Variants in TBC1D2B observed in about 807,000 individuals in gnomAD.
The protein encoded by TBC1D2B is TBC1 domain family, member 2B.
TBC1D2B carries 64 observed loss-of-function variants against 100.8 expected under a neutral mutation model. That is an observed-to-expected ratio of 0.64 (90% CI 0.52 to 0.78). TBC1D2B has a LOEUF of 0.78. Ranked by LOEUF, TBC1D2B falls within the 30% of genes least tolerant of loss-of-function variation. The probability of loss-of-function intolerance (pLI) is 0.00; values close to 1 mark genes in which losing one functional copy is unlikely to be tolerated. For missense variants in TBC1D2B, 1,052 were observed against 1,218.4 expected (o/e 0.86, Z 2.03); for synonymous variants, 480 against 479.7 (o/e 1.00, Z -0.01).
At chr15:78,017,997 G>A (rs557431576) in intron 6 of TBC1D2B, 40 bp from the exon 7 acceptor site, 3 of 1,124,646 alleles carry the variant, frequency 2.7e-6, no homozygotes, top group South Asian at 2.8e-5. Flanking sequence ...CACATTGGTT[G>A]AATATTGACT....
intron 2 of TBC1D2B, among the ~76,000 whole-genome samples, chr15:78,046,584 A>C (rs971172556): frequency 2.7e-4 from 41 of 151,852 alleles, no homozygotes; most frequent in Admixed American, 2.4e-3. Context: ...CTCTTGCTTC[A>C]GCCTACCAAG....
intron 4 of TBC1D2B, 75 bp from the exon 5 acceptor site, chr15:78,025,572 G>A: frequency 1.7e-6 from 2 of 1,178,442 alleles, no homozygotes; most frequent in Non-Finnish European, 2.3e-6. Flanking sequence ...TGTCGCCCAG[G>A]CTGGAGTGCA....
chr15:78,030,308 C>CTTT, intron 3 of TBC1D2B, 138 bp from the exon 4 acceptor site: 3 of 583,890 alleles, frequency 5.1e-6, no homozygotes, highest in Non-Finnish European at 5.3e-6. Context: ...TGGGGATTCC[C>CTTT]TTTTTTTTTT....
At chr15:78,016,086 C>T (rs1388961754) in intron 8 of TBC1D2B, among the ~76,000 whole-genome samples, 1 of 152,132 alleles carries the variant, frequency 6.6e-6, no homozygotes, top group Non-Finnish European at 1.5e-5. Context: ...TTTTAGAAGA[C>T]AGGTTATGAG....
chr15:78,052,219 G>C (rs2073328470), intron 2 of TBC1D2B, among the ~76,000 whole-genome samples: 1 of 152,106 alleles, frequency 6.6e-6, no homozygotes, highest in African/African-American at 2.4e-5. Flanking sequence ...TCTCTACCTA[G>C]CTAGTTCCTG....
intron 8 of TBC1D2B, among the ~76,000 whole-genome samples, chr15:78,013,696 A>C (rs1212545168): frequency 6.6e-6 from 1 of 152,000 alleles, no homozygotes; most frequent in African/African-American, 2.4e-5. Flanking sequence ...ACATATGTAT[A>C]ACTTTATGCT....
chr15:78,003,285 G>A lies in TBC1D2B; in HGVS notation c.2574+20C>T, dbSNP rs771654324. On this transcript the variant is annotated intron_variant, in intron 11 of 12. Coordinates refer to ENST00000300584, the MANE Select transcript of TBC1D2B (RefSeq NM_144572.2). Reference sequence around the variant, plus strand: ...TGTCAAGTGTGTATATCTGAAAATAGCTGAGCTGAGCTAACTCACCTTTGG... The same window carrying A: ...TGTCAAGTGTGTATATCTGAAAATAACTGAGCTGAGCTAACTCACCTTTGG... 2.5e-6 allele frequency: 4 copies of A among 1,608,264 alleles called. No individual in the cohort carries two copies. In the South Asian group the frequency reaches 4.4e-5, roughly 18 times the overall value.
At chr15:78,010,192 G>A (rs897667881) in intron 9 of TBC1D2B, among the ~76,000 whole-genome samples, 10 of 152,136 alleles carry the variant, frequency 6.6e-5, no homozygotes, top group East Asian at 1.9e-4. Flanking sequence ...AGCTAACAGC[G>A]CTGTGCCCAC....
In TBC1D2B at chr15:78,013,266, C is replaced by A; in HGVS notation, c.1827G>T (p.Glu609Asp). The part of the protein sequence containing the change: ...FRTVPEDDEE[E>D]KLVAKVRALD... The stretch of plus-strand genomic sequence containing the variant: ...ACGCGCGGACCTTGGCAACCAATTT[C>A]TCTTCCTCATCATCCTCAGGTACAG... The change falls in exon 9 of 13, where the codon GAG becomes GAT. Residue 609 changes from glutamate (E) to aspartate (D), a missense_variant. By Grantham distance (45) the Glu-to-Asp change is conservative. This residue lies in a region of TBC1D2B where 373 missense variants were observed against 464.9 expected (regional missense o/e 0.80). Transcript: ENST00000300584. 6.2e-7 allele frequency: 1 copy of A among 1,614,006 alleles called. No homozygotes were observed. Among genetic ancestry groups the A allele is most frequent in the Non-Finnish European group, 8.5e-7 (1 of 1,179,886 alleles).
chr15:78,016,904 C>T, intron 7 of TBC1D2B, 165 bp from the exon 8 acceptor site: 1 of 592,070 alleles, frequency 1.7e-6, no homozygotes, highest in Non-Finnish European at 2.8e-6. Flanking sequence ...GACCACCTTT[C>T]ATGTTTAAAA....
At chr15:78,068,405 A>ACC (rs1418218239) in intron 1 of TBC1D2B, among the ~76,000 whole-genome samples, 3 of 151,732 alleles carry the variant, frequency 2.0e-5, no homozygotes, top group Non-Finnish European at 4.4e-5. Context: ...ACACACACAC[A>ACC]CACACACACA....
At chr15:78,046,344 T>G (rs935627715) in intron 2 of TBC1D2B, among the ~76,000 whole-genome samples, 4 of 152,236 alleles carry the variant, frequency 2.6e-5, no homozygotes, top group Admixed American at 2.0e-4. Flanking sequence ...TCTCTGAGAA[T>G]AGGACATGCT....
At chr15:77,999,048 G>T (rs941088978) in intron 12 of TBC1D2B, 3 of 249,794 alleles carry the variant, frequency 1.2e-5, no homozygotes, top group Non-Finnish European at 2.5e-5. Context: ...CTGAGGCCTG[G>T]CTATGGATTT....
chr15:78,032,279 G>A (rs569708711), intron 3 of TBC1D2B, among the ~76,000 whole-genome samples: 8 of 152,226 alleles, frequency 5.3e-5, no homozygotes, highest in African/African-American at 1.9e-4. Flanking sequence ...ACTGAGAAAG[G>A]CTACTGATGG....
At chr15:78,006,293 T>C (rs1003464873) in intron 10 of TBC1D2B, among the ~76,000 whole-genome samples, 4 of 152,268 alleles carry the variant, frequency 2.6e-5, no homozygotes, top group African/African-American at 7.2e-5. Flanking sequence ...CAGGTGCCCA[T>C]GAACACACAA....
At chr15:78,073,112 TC>T (rs2073766359) in intron 1 of TBC1D2B, among the ~76,000 whole-genome samples, 1 of 152,204 alleles carries the variant, frequency 6.6e-6, no homozygotes, top group Non-Finnish European at 1.5e-5. Context: ...CATTCACTAT[TC>T]CTGGAGCCTC....
Position 78,054,015 on chromosome 15 carries a change from C to G in TBC1D2B, c.514+19G>C. Reference sequence around the variant, plus strand: ...CTTACACAAAGAACTGACCCAGCTCCCCTTTATTTCTGCCTTACCAGTGTT... The same window carrying G: ...CTTACACAAAGAACTGACCCAGCTCGCCTTTATTTCTGCCTTACCAGTGTT... On this transcript the variant is annotated intron_variant, in intron 2 of 12. Transcript: ENST00000300584. 6.2e-7 allele frequency: 1 copy of G among 1,604,504 alleles called. No individual in the cohort carries two copies. The highest frequency in any genetic ancestry group is 8.5e-7 in the Non-Finnish European group (1 of 1,176,468).
Position 78,024,415 on chromosome 15 carries a change from T to C in TBC1D2B, c.1211A>G (p.Gln404Arg). The C allele has an allele frequency of 6.2e-7, 1 of 1,614,078 alleles. No individual in the cohort carries two copies. The highest frequency in any genetic ancestry group is 8.5e-7 in the Non-Finnish European group (1 of 1,179,906). ...CAGCTGGCTGGTAAGGCCCAGAATC[T>C]GATCATCCTTTTGGTGCAGAAGCTC... ...TLELLHQKDD[Q>R]ILGLTSQLER... is the part of the protein sequence containing the mutation. The change falls in exon 6 of 13, where the codon CAG becomes CGG. Residue 404 changes from glutamine (Q) to arginine (R), a missense_variant. Coordinates refer to ENST00000300584, the MANE Select transcript of TBC1D2B (RefSeq NM_144572.2).
chr15:78,069,921 A>T lies in TBC1D2B; in HGVS notation c.360+7372T>A, dbSNP rs138259002. On this transcript the variant is annotated intron_variant, in intron 1 of 12. Coordinates refer to ENST00000300584, the MANE Select transcript of TBC1D2B (RefSeq NM_144572.2). Reference sequence around the variant, plus strand: ...TTCCCAGCCTCCAGAACTATGAGAAATAAATTTCTGTTGTTTATAAGCTAC... The same window carrying T: ...TTCCCAGCCTCCAGAACTATGAGAATTAAATTTCTGTTGTTTATAAGCTAC... 6.4e-3 allele frequency among the ~76,000 whole-genome samples: 973 copies of T among 152,304 alleles called. 18 individuals carry two copies. Among genetic ancestry groups the T allele is most frequent in the African/African-American group, 0.022 (928 of 41,546 alleles).
Sources: gnomAD v4.1 joint callset for allele counts (sites outside exome capture counted in the v4.1 genomes callset) on GRCh38, gnomAD v4.1.1 for gene constraint, gnomAD v4.1.1 regional missense constraint, MANE v1.5 for transcripts, NCBI Gene and HGNC (gene_info 2026-07-23, HGNC 2026-07-21) for gene names.